The following RBPMS variants were observed in gnomAD, a reference collection of about 807,000 sequenced individuals.
RBPMS encodes the protein RNA binding protein, mRNA processing factor.
Under a neutral mutation model 26.8 loss-of-function variants are expected in RBPMS, and 7 were observed. The ratio of observed to expected loss-of-function variants is 0.26; its 90% CI spans 0.15 to 0.49. The LOEUF is 0.49. Among genes scored for constraint, RBPMS ranks in the 20% least tolerant of loss-of-function variants. The probability of loss-of-function intolerance (pLI) is 0.98; values close to 1 mark genes in which losing one functional copy is unlikely to be tolerated. For synonymous variants in RBPMS, 96 were observed against 93.3 expected (o/e 1.03, Z -0.17); for missense variants, 186 against 250.0 (o/e 0.74, Z 1.73).
chr8:30,422,393 C>G (rs1375291103), intron 1 of RBPMS, among the ~76,000 whole-genome samples: 2 of 152,054 alleles, frequency 1.3e-5, no homozygotes, highest in East Asian at 3.9e-4. Context: ...GGGTTACAGA[C>G]TTGAGCTACT....
intron 1 of RBPMS, among the ~76,000 whole-genome samples, chr8:30,414,729 A>G (rs1054667046): frequency 1.6e-4 from 25 of 152,158 alleles, no homozygotes; most frequent in Non-Finnish European, 3.2e-4. Flanking sequence ...AATAAACTGC[A>G]TGTTATTGAG....
chr8:30,543,474 A>G (rs759366458), intron 5 of RBPMS, among the ~76,000 whole-genome samples: 1 of 152,206 alleles, frequency 6.6e-6, no homozygotes, highest in Non-Finnish European at 1.5e-5. Context: ...TGGCAGAGTT[A>G]CTAATGACTT....
chr8:30,456,706 G>A, intron 1 of RBPMS, among the ~76,000 whole-genome samples: 1 of 152,170 alleles, frequency 6.6e-6, no homozygotes. Flanking sequence ...TGTATCATGA[G>A]GTCAGGAGTT....
chr8:30,385,898 C>T (rs1004446826), intron 1 of RBPMS, among the ~76,000 whole-genome samples: 7 of 152,120 alleles, frequency 4.6e-5, no homozygotes, highest in African/African-American at 1.7e-4. Flanking sequence ...CGGAGCGTTC[C>T]TTCGGTGGAA....
chr8:30,443,529 A>G (rs1000337775), intron 1 of RBPMS, among the ~76,000 whole-genome samples: 1 of 152,148 alleles, frequency 6.6e-6, no homozygotes, highest in African/African-American at 2.4e-5. Flanking sequence ...GGGTAGATAC[A>G]GGTTTACAGT....
chr8:30,449,747 G>T (rs1814323534), intron 1 of RBPMS, among the ~76,000 whole-genome samples: 1 of 152,194 alleles, frequency 6.6e-6, no homozygotes, highest in Non-Finnish European at 1.5e-5. Flanking sequence ...TGGCCTCAGG[G>T]TGATTCACTG....
chr8:30,454,817 T>C (rs1003753212), intron 1 of RBPMS, among the ~76,000 whole-genome samples: 1 of 152,162 alleles, frequency 6.6e-6, no homozygotes, highest in Non-Finnish European at 1.5e-5. Flanking sequence ...TGGGTTTCTT[T>C]TTGTTTGTTT....
At chr8:30,439,951 G>A (rs953375461) in intron 1 of RBPMS, among the ~76,000 whole-genome samples, 8 of 152,172 alleles carry the variant, frequency 5.3e-5, no homozygotes, top group East Asian at 3.9e-4. Flanking sequence ...AGGCTGAGGC[G>A]GGATTACTTG....
At chr8:30,474,518 C>T (rs1423406641) in intron 1 of RBPMS, among the ~76,000 whole-genome samples, 7 of 152,056 alleles carry the variant, frequency 4.6e-5, no homozygotes, top group Non-Finnish European at 8.8e-5. Context: ...GAATAATTCA[C>T]ATAGAAATAT....
intron 4 of RBPMS, 100 bp from the exon 5 acceptor site, chr8:30,504,186 T>G: frequency 7.8e-7 from 1 of 1,281,706 alleles, no homozygotes; most frequent in Non-Finnish European, 1.1e-6. Context: ...TGACCTTTTT[T>G]CCTGATAGAC....
intron 5 of RBPMS, among the ~76,000 whole-genome samples, chr8:30,536,988 G>T (rs540117845): frequency 6.6e-6 from 1 of 152,306 alleles, no homozygotes; most frequent in Admixed American, 6.5e-5. Context: ...CAGACACTTG[G>T]AATATTCTGC....
At chr8:30,424,560 C>A (rs541882421) in intron 1 of RBPMS, among the ~76,000 whole-genome samples, 34 of 152,314 alleles carry the variant, frequency 2.2e-4, no homozygotes, top group Admixed American at 3.9e-4. Flanking sequence ...GGTTCATACT[C>A]TGCTCCGTTT....
intron 1 of RBPMS, among the ~76,000 whole-genome samples, chr8:30,443,399 C>T (rs6996887): frequency 0.46 from 70,369 of 151,990 alleles, 16,349 homozygotes; most frequent in Middle Eastern, 0.58. Flanking sequence ...AGGCTTTGAA[C>T]TGCTTGAGTT....
In RBPMS at chr8:30,410,800, A is replaced by G. The variant is rs1353745409; in HGVS notation, c.66+25642A>G. On this transcript the variant is annotated intron_variant, in intron 1 of 8. Transcript: ENST00000397323. ...AGCCATGCTGAAATGCAGTGGTGCA[A>G]TCATAGCTCACTGCAGCCTCTAAGT... 4.6e-5 allele frequency among the ~76,000 whole-genome samples: 7 copies of G among 150,794 alleles called. 1 individual carries two copies. The highest frequency in any genetic ancestry group is 2.0e-4 in the Admixed American group (3 of 15,096).
intron 1 of RBPMS, among the ~76,000 whole-genome samples, chr8:30,470,461 C>T (rs1303276561): frequency 6.6e-6 from 1 of 151,840 alleles, no homozygotes; most frequent in African/African-American, 2.4e-5. Flanking sequence ...CTATTTTTTC[C>T]ATTCATTATT....
chr8:30,431,651 G>A (rs552602360), intron 1 of RBPMS, among the ~76,000 whole-genome samples: 6 of 152,080 alleles, frequency 3.9e-5, no homozygotes, highest in South Asian at 4.2e-4. Context: ...AGGTTTCTCC[G>A]TGTTGGCTAG....
chr8:30,554,083 C>A (rs1826628964), intron 6 of RBPMS, among the ~76,000 whole-genome samples: 1 of 152,218 alleles, frequency 6.6e-6, no homozygotes, highest in Non-Finnish European at 1.5e-5. Context: ...GCCCAAGCTA[C>A]TGTTATTAAC....
intron 4 of RBPMS, among the ~76,000 whole-genome samples, chr8:30,486,798 C>T (rs1818841785): frequency 6.6e-6 from 1 of 152,210 alleles, no homozygotes; most frequent in African/African-American, 2.4e-5. Flanking sequence ...GAAATCTCAA[C>T]TTCACCCAGC....
chr8:30,521,969 A>AAG (rs1474286187), intron 5 of RBPMS, among the ~76,000 whole-genome samples: 5 of 152,248 alleles, frequency 3.3e-5, no homozygotes, highest in African/African-American at 1.2e-4. Context: ...AAATAAGCTC[A>AAG]AGAGATCTAT....
Sources: allele counts gnomAD v4.1 joint callset (sites outside exome capture counted in the v4.1 genomes callset), GRCh38; gene constraint gnomAD v4.1.1; transcripts MANE v1.5; gene names NCBI Gene and HGNC (gene_info 2026-07-23, HGNC 2026-07-21).